Variants in SLC43A2 observed in about 807,000 individuals in gnomAD.
The protein encoded by SLC43A2 is solute carrier family 43 member 2.
A neutral mutation model predicts 63.2 loss-of-function variants in SLC43A2; 38 were observed. The ratio of observed to expected loss-of-function variants is 0.60; its 90% CI spans 0.46 to 0.79. The LOEUF is 0.79. SLC43A2 is among the 30% of genes least tolerant of loss of function. The pLI, the probability that SLC43A2 is intolerant of heterozygous loss-of-function variation, is 0.00. For synonymous variants in SLC43A2, 322 were observed against 331.0 expected, an observed-to-expected ratio of 0.97 and a Z score of 0.30; for missense variants, 644 against 756.2, an observed-to-expected ratio of 0.85 and a Z score of 1.74.
rs1451944974 is a variant in SLC43A2 at position 1,571,943 on chromosome 17, T to G, written c.*3661A>C. On this transcript the variant is annotated 3_prime_UTR_variant, in exon 14 of 14. Transcript: ENST00000301335. This position sits in a 1 kb window ranked among gnomAD's most constrained non-coding sequence, Gnocchi z 5.2. ...CTCAGACCCAAGCCCCCCTCCTCAC[T>G]GATCAAAACCCCAAGGGCAGGGAGC... 6.7e-6 allele frequency: 1 copy of G among 150,136 alleles called. No individual in the cohort carries two copies. Among genetic ancestry groups the G allele is most frequent in the African/African-American group, 2.5e-5 (1 of 40,706 alleles). 9.3% of individuals were successfully genotyped at this position (150,136 alleles called of 1,614,324 possible).
chr17:1,585,074 G>A (rs1440747501), intron 10 of SLC43A2, among the ~76,000 whole-genome samples: 3 of 152,152 alleles, frequency 2.0e-5, no homozygotes, highest in African/African-American at 4.8e-5. Flanking sequence ...TGAGCCGGGC[G>A]CGGTGCCTCA....
Position 1,569,756 on chromosome 17 carries a change from C to T in SLC43A2, c.*5848G>A, listed in dbSNP as rs2075819178. ...ACCAGTGATTGATTATCTCGAGCAG[C>T]TATTTGGCCAAGTCTTACCAAAACG... On this transcript the variant is annotated 3_prime_UTR_variant, in exon 14 of 14. Coordinates refer to ENST00000301335, the MANE Select transcript of SLC43A2 (RefSeq NM_152346.3). 6.6e-6 allele frequency: 1 copy of T among 152,232 alleles called. No individual in the cohort carries two copies. The highest frequency in any genetic ancestry group is 2.4e-5 in the African/African-American group (1 of 41,384). 9.4% of individuals were successfully genotyped at this position (152,232 alleles called of 1,614,324 possible). A position where few individuals can be genotyped will look rare whatever the true frequency, so the allele number is the denominator to read the frequency against.
chr17:1,613,736 C>T lies in SLC43A2; in HGVS notation c.425-465G>A, dbSNP rs190555239. On this transcript the variant is annotated intron_variant, in intron 4 of 13. Coordinates refer to ENST00000301335, the MANE Select transcript of SLC43A2 (RefSeq NM_152346.3). ...ACAGGCATAAGCCACCATGCCCAGC[C>T]TCCTCTTGCCTATTTCACAAAGCGT... Among the ~76,000 whole-genome samples, 11 of 152,334 alleles carry T rather than the reference C, an allele frequency of 7.2e-5. No homozygotes were observed. In the East Asian group the frequency reaches 9.7e-4, roughly 13 times the overall value.
At position 1,572,253 on chromosome 17, in the gene SLC43A2, C is replaced by T. The variant is rs1239903168; in HGVS notation, c.*3351G>A. On this transcript the variant is annotated 3_prime_UTR_variant, in exon 14 of 14. Coordinates refer to ENST00000301335, the MANE Select transcript of SLC43A2 (RefSeq NM_152346.3). ...CTTCCTTGGGCTGTGACCCCCCTGC[C>T]ACAGAGGCCCCCCCCCCGCCACAGA... is the stretch of plus-strand genomic sequence containing the variant. The T allele has an allele frequency of 7.3e-6, 1 of 136,602 alleles. No homozygotes were observed. Among genetic ancestry groups the T allele is most frequent in the African/African-American group, 2.8e-5 (1 of 35,380 alleles). The allele number at this position is 136,602 out of a possible 1,614,324, so 8.5% of individuals were successfully genotyped here.
At chr17:1,582,733 C>T (rs1011898157) in intron 11 of SLC43A2, among the ~76,000 whole-genome samples, 7 of 152,144 alleles carry the variant, frequency 4.6e-5, no homozygotes, top group Non-Finnish European at 5.9e-5. Flanking sequence ...ACAGGCCCTC[C>T]GCAAATAACA....
chr17:1,615,151 G>A (rs575100160), intron 3 of SLC43A2, 117 bp from the exon 4 acceptor site: 74 of 1,235,500 alleles, frequency 6.0e-5, no homozygotes, highest in South Asian at 5.5e-4. Context: ...TCTGTCACCC[G>A]GGCTGGAGTG....
chr17:1,605,151 G>C lies in SLC43A2; in HGVS notation c.501+8044C>G. On this transcript the variant is annotated intron_variant, in intron 5 of 13. Transcript: ENST00000301335. This position sits in a 1 kb window ranked among gnomAD's most constrained non-coding sequence, Gnocchi z 4.9. ...CAGCCCCCTCGCCGCCTCTGCCTCC[G>C]TGCGGGTCAACCTGTCCTGCCAGCC... 8.0e-7 allele frequency: 1 copy of C among 1,257,444 alleles called. No individual in the cohort carries two copies. Among genetic ancestry groups the C allele is most frequent in the South Asian group, 1.7e-5 (1 of 58,292 alleles). 77.9% of individuals were successfully genotyped at this position (1,257,444 alleles called of 1,614,324 possible).
chr17:1,625,974 A>G (rs1427554746), intron 2 of SLC43A2, among the ~76,000 whole-genome samples: 1 of 150,150 alleles, frequency 6.7e-6, no homozygotes, highest in Non-Finnish European at 1.5e-5. Flanking sequence ...TGCCAAAACC[A>G]TACAATCAAT....
At chr17:1,582,070 GTTTTGGTTTT>G (rs1304033212) in intron 11 of SLC43A2, among the ~76,000 whole-genome samples, 9 of 148,700 alleles carry the variant, frequency 6.1e-5, no homozygotes, top group South Asian at 4.3e-4. Context: ...CTCCCAAAGT[GTTTTGGTTTT>G]TTTTGGTTTT....
chr17:1,627,647 C>A (rs960423051), intron 2 of SLC43A2, 68 bp downstream of exon 2: 8 of 644,034 alleles, frequency 1.2e-5, no homozygotes, highest in Admixed American at 9.4e-5. Context: ...TAGGTCTTCG[C>A]CCCCATCCCG....
Position 1,585,916 on chromosome 17 carries a change from T to C in SLC43A2, c.1214A>G (p.Asn405Ser). ...GGCACCGGCCCTGCCTACGCACTGG[T>C]TGGCGTCTTTCTCCTCGGGCTCCTC... is the stretch of plus-strand genomic sequence containing the variant. ...ASEEPEEKDA[N>S]QGEKKKKKRD... The change falls in exon 10 of 14, where the codon AAC (asparagine) becomes AGC (serine). Residue 405 changes from asparagine (N) to serine (S), a missense_variant. Around this residue, in one of 3 missense-constraint regions of SLC43A2, gnomAD observed 528 missense variants for 623.6 expected, o/e 0.85. Coordinates refer to ENST00000301335, the MANE Select transcript of SLC43A2 (RefSeq NM_152346.3). The C allele has an allele frequency of 6.2e-7, 1 of 1,613,716 alleles. No homozygotes were observed. The highest frequency in any genetic ancestry group is 1.1e-5 in the South Asian group (1 of 91,086).
rs532620222 is a variant in SLC43A2 at position 1,615,253 on chromosome 17, G to A, written c.369-219C>T. 1.4e-4 allele frequency among the ~76,000 whole-genome samples: 21 copies of A among 151,858 alleles called. No individual in the cohort carries two copies. In the Middle Eastern group the frequency reaches 0.017, roughly 123 times the overall value. ...CTCCCAAGTAGCTGGGATATTACAG[G>A]CGCCCACCACCACGCGTGGCTAATT... On this transcript the variant is annotated intron_variant, in intron 3 of 13. Transcript: ENST00000301335.
intron 2 of SLC43A2, among the ~76,000 whole-genome samples, chr17:1,625,198 C>T (rs1908560516): frequency 6.6e-6 from 1 of 152,212 alleles, no homozygotes; most frequent in African/African-American, 2.4e-5. Flanking sequence ...ACCCAGCCTG[C>T]CACGTCTCCC....
In SLC43A2 at chr17:1,575,373, G is replaced by A. The variant is rs533380413; in HGVS notation, c.*231C>T. 72 of 577,960 alleles carry A rather than the reference G, an allele frequency of 1.2e-4. No individual in the cohort carries two copies. Among genetic ancestry groups the A allele is most frequent in the African/African-American group, 1.2e-3 (63 of 51,694 alleles). 35.8% of individuals were successfully genotyped at this position (577,960 alleles called of 1,614,324 possible). A position where few individuals can be genotyped will look rare whatever the true frequency, so the allele number is the denominator to read the frequency against. ...CCCAGGCCCCGGGTCCCCGGGGGGC[G>A]GCAGAGCAAAGTCAGGGCAGCCCCT... On this transcript the variant is annotated 3_prime_UTR_variant, in exon 14 of 14. Coordinates refer to ENST00000301335, the MANE Select transcript of SLC43A2 (RefSeq NM_152346.3).
Position 1,575,171 on chromosome 17 carries a change from A to C in SLC43A2, c.*433T>G. ...AGGGGGTGGGGGCCAGGCGCGGGCG[A>C]GACAGTGCAAGCCTTTGTCCTCAGG... On this transcript the variant is annotated 3_prime_UTR_variant, in exon 14 of 14. Transcript: ENST00000301335. The C allele has an allele frequency of 4.9e-6, 1 of 203,212 alleles. No homozygotes were observed. Among genetic ancestry groups the C allele is most frequent in the South Asian group, 6.8e-5 (1 of 14,808 alleles). The allele number at this position is 203,212 out of a possible 1,614,324, so 12.6% of individuals were successfully genotyped here.
At position 1,605,050 on chromosome 17, in the gene SLC43A2, G is replaced by T. The variant is rs1255304371; in HGVS notation, c.501+8145C>A. The T allele has an allele frequency of 1.4e-6, 2 of 1,412,778 alleles. No homozygotes were observed. Among genetic ancestry groups the T allele is most frequent in the Non-Finnish European group, 9.2e-7 (1 of 1,084,786 alleles). The allele number at this position is 1,412,778 out of a possible 1,614,324, so 87.5% of individuals were successfully genotyped here. ...CAGCTTTGCTGCCAAGCAGGAAGCCGGAGCTGTTTCCTGACTCACCACCAC... is the reference window on the plus strand; with the variant it reads ...CAGCTTTGCTGCCAAGCAGGAAGCCTGAGCTGTTTCCTGACTCACCACCAC... On this transcript the variant is annotated intron_variant, in intron 5 of 13. Coordinates refer to ENST00000301335, the MANE Select transcript of SLC43A2 (RefSeq NM_152346.3). This position sits in a 1 kb window ranked among gnomAD's most constrained non-coding sequence, Gnocchi z 4.9.
At chr17:1,581,878 T>TC (rs758123793) in intron 11 of SLC43A2, among the ~76,000 whole-genome samples, 25 of 151,148 alleles carry the variant, frequency 1.7e-4, no homozygotes, top group African/African-American at 2.4e-4. Context: ...CAATCTCGGC[T>TC]CACTGCAACC....
chr17:1,606,217 G>T lies in SLC43A2; in HGVS notation c.501+6978C>A, dbSNP rs1298605574. Among the ~76,000 whole-genome samples, 1 of 152,092 alleles carries T rather than the reference G, an allele frequency of 6.6e-6. No homozygotes were observed. The highest frequency in any genetic ancestry group is 1.5e-5 in the Non-Finnish European group (1 of 67,996). On this transcript the variant is annotated intron_variant, in intron 5 of 13. Transcript: ENST00000301335. The surrounding 1 kb of genome is among the most constrained non-coding windows in gnomAD (Gnocchi z 4.7). ...GGGGGCCACCGTGGGACCCTCTCCT[G>T]GCTGCAGACGCGGGGTCTACTGAGC...
At chr17:1,625,049 AG>A (rs1028690873) in intron 2 of SLC43A2, among the ~76,000 whole-genome samples, 5 of 152,340 alleles carry the variant, frequency 3.3e-5, no homozygotes, top group African/African-American at 1.2e-4. Flanking sequence ...ACACAGCTCC[AG>A]GAAGCCCCGT....
Sources: gnomAD v4.1 joint callset for allele counts (sites outside exome capture counted in the v4.1 genomes callset) on GRCh38, gnomAD v4.1.1 for gene constraint, gnomAD v4.1.1 regional missense constraint, Gnocchi (gnomAD v3.1) non-coding constraint, MANE v1.5 for transcripts, NCBI Gene and HGNC (gene_info 2026-07-23, HGNC 2026-07-21) for gene names.